The following PSD3 variants were observed in gnomAD, a reference collection of about 807,000 sequenced individuals.
PSD3 encodes the protein pleckstrin and Sec7 domain containing 3.
PSD3 carries 49 observed loss-of-function variants against 105.5 expected under a neutral mutation model. The observed-to-expected ratio is 0.46, with a 90% CI of 0.37 to 0.59. PSD3 has a LOEUF of 0.59. PSD3 is among the 20% of genes least tolerant of loss of function. The probability of loss-of-function intolerance (pLI) is 0.00; values close to 1 mark genes in which losing one functional copy is unlikely to be tolerated. For missense variants in PSD3, 1,561 were observed against 1,263.8 expected, an observed-to-expected ratio of 1.24 and a Z score of -3.57; for synonymous variants, 557 against 457.8, an observed-to-expected ratio of 1.22 and a Z score of -2.77.
intron 2 of PSD3, among the ~76,000 whole-genome samples, chr8:18,888,855 C>T (rs17127403): frequency 0.017 from 2,559 of 152,124 alleles, 75 homozygotes; most frequent in East Asian, 0.12. Context: ...GAGTGGTAAG[C>T]GCCCTTTTGT....
chr8:18,784,572 G>T (rs1212960019), intron 8 of PSD3, among the ~76,000 whole-genome samples: 1 of 152,178 alleles, frequency 6.6e-6, no homozygotes, highest in Non-Finnish European at 1.5e-5. Context: ...TTATACTTCT[G>T]ACCAATCAGC....
chr8:18,558,542 C>T (rs968428590), intron 14 of PSD3, among the ~76,000 whole-genome samples: 2 of 152,010 alleles, frequency 1.3e-5, no homozygotes, highest in African/African-American at 2.4e-5. Flanking sequence ...GAAGTGTAGC[C>T]GGGTGTGGGG....
At chr8:18,815,242 T>C (rs1415242163) in intron 4 of PSD3, among the ~76,000 whole-genome samples, 1 of 152,164 alleles carries the variant, frequency 6.6e-6, no homozygotes, top group Non-Finnish European at 1.5e-5. Flanking sequence ...TTTTCTATGG[T>C]TATATAATGT....
chr8:18,906,225 T>C (rs1819839542), intron 2 of PSD3, among the ~76,000 whole-genome samples: 1 of 152,144 alleles, frequency 6.6e-6, no homozygotes, highest in Non-Finnish European at 1.5e-5. Context: ...TCATCAAATA[T>C]CTGGGTGCTC....
chr8:18,755,966 C>T (rs1314503276), intron 9 of PSD3, among the ~76,000 whole-genome samples: 4 of 152,144 alleles, frequency 2.6e-5, no homozygotes, highest in African/African-American at 9.7e-5. Flanking sequence ...ACACGCCACG[C>T]ACCTTTCATC....
At chr8:18,709,791 C>T (rs761577865) in intron 9 of PSD3, among the ~76,000 whole-genome samples, 1 of 152,124 alleles carries the variant, frequency 6.6e-6, no homozygotes, top group African/African-American at 2.4e-5. Flanking sequence ...AAACAGAAAG[C>T]AACAACAACA....
intron 9 of PSD3, among the ~76,000 whole-genome samples, chr8:18,705,613 T>C (rs1425569915): frequency 6.6e-6 from 1 of 151,716 alleles, no homozygotes; most frequent in Non-Finnish European, 1.5e-5. Context: ...ATATTAAAAT[T>C]CTGTTGAAAT....
At chr8:18,821,865 A>AC (rs1812762191) in intron 4 of PSD3, among the ~76,000 whole-genome samples, 1 of 54,162 alleles carries the variant, frequency 1.8e-5, no homozygotes, top group South Asian at 7.3e-4. Context: ...ACACACATGC[A>AC]CACACACCAC....
chr8:18,667,858 CTGAG>C (rs1227635119), intron 9 of PSD3, among the ~76,000 whole-genome samples: 2 of 152,338 alleles, frequency 1.3e-5, no homozygotes, highest in Admixed American at 1.3e-4. Context: ...TGGGGAGAAT[CTGAG>C]TGTAGCGCCG....
chr8:18,782,834 A>C (rs1359078558), intron 8 of PSD3, among the ~76,000 whole-genome samples: 1 of 152,350 alleles, frequency 6.6e-6, no homozygotes, highest in East Asian at 1.9e-4. Flanking sequence ...CGAGCATCCA[A>C]GTGGCACGCA....
intron 1 of PSD3, among the ~76,000 whole-genome samples, chr8:18,947,708 G>A (rs1448210238): frequency 2.6e-5 from 4 of 152,136 alleles, no homozygotes; most frequent in South Asian, 2.1e-4. Context: ...ACCCATTTTC[G>A]TTGTCTTTTA....
intron 9 of PSD3, among the ~76,000 whole-genome samples, chr8:18,695,499 C>G (rs1431684416): frequency 1.3e-5 from 2 of 152,208 alleles, no homozygotes; most frequent in African/African-American, 4.8e-5. Flanking sequence ...TAACTTTGAT[C>G]TATTCCCCCT....
chr8:18,586,773 G>C (rs897766424), intron 12 of PSD3, among the ~76,000 whole-genome samples: 3 of 152,162 alleles, frequency 2.0e-5, no homozygotes, highest in Non-Finnish European at 4.4e-5. Context: ...CCGAGACGTT[G>C]GCAGCCGCAA....
At chr8:18,997,920 C>T (rs1276391802) in intron 1 of PSD3, among the ~76,000 whole-genome samples, 3 of 152,078 alleles carry the variant, frequency 2.0e-5, no homozygotes. Context: ...CAACATACTA[C>T]ACACACGCAC....
chr8:18,768,900 G>A, intron 8 of PSD3, among the ~76,000 whole-genome samples: 1 of 152,152 alleles, frequency 6.6e-6, no homozygotes, highest in East Asian at 1.9e-4. Flanking sequence ...GGCTTTGTCA[G>A]CTAACTTATT....
chr8:18,970,091 C>T (rs1240050282), intron 1 of PSD3, among the ~76,000 whole-genome samples: 2 of 151,368 alleles, frequency 1.3e-5, no homozygotes, highest in Admixed American at 6.6e-5. Context: ...TTTGGGAGGC[C>T]AAGTTGGGCG....
At chr8:18,558,086 C>T (rs1160778605) in intron 14 of PSD3, among the ~76,000 whole-genome samples, 1 of 152,236 alleles carries the variant, frequency 6.6e-6, no homozygotes, top group Non-Finnish European at 1.5e-5. Context: ...GACACCAACT[C>T]TGCTGGCACC....
chr8:18,667,578 C>G (rs1799544505), intron 9 of PSD3, among the ~76,000 whole-genome samples: 1 of 152,236 alleles, frequency 6.6e-6, no homozygotes, highest in South Asian at 2.1e-4. Flanking sequence ...CATAAAGATT[C>G]TTCAAGTCCC....
intron 1 of PSD3, among the ~76,000 whole-genome samples, chr8:19,033,922 T>G (rs529299682): frequency 3.3e-5 from 5 of 152,252 alleles, no homozygotes; most frequent in African/African-American, 1.2e-4. Context: ...TCTAGATTGG[T>G]TCATTGCCCT....
Sources: allele counts gnomAD v4.1 joint callset (sites outside exome capture counted in the v4.1 genomes callset), GRCh38; gene constraint gnomAD v4.1.1; transcripts MANE v1.5; gene names NCBI Gene and HGNC (gene_info 2026-07-23, HGNC 2026-07-21).